The following KHDRBS2 variants were observed in gnomAD, a reference collection of about 807,000 sequenced individuals.
The protein encoded by KHDRBS2 is KH RNA binding domain containing, signal transduction associated 2, also known as KH domain-containing, RNA-binding, signal transduction-associated protein 2.
In KHDRBS2, 26 loss-of-function variants were observed where a neutral mutation model predicts 44.3. The ratio of observed to expected loss-of-function variants is 0.59; its 90% CI spans 0.43 to 0.81. The LOEUF is 0.81. Among genes scored for constraint, KHDRBS2 ranks in the 40% least tolerant of loss-of-function variants. KHDRBS2 has a pLI of 0.00. For missense variants in KHDRBS2, 476 were observed against 433.1 expected (o/e 1.10, Z -0.88); for synonymous variants, 194 against 151.1 (o/e 1.28, Z -2.08).
chr6:62,231,774 G>T (rs1227023163), intron 1 of KHDRBS2, among the ~76,000 whole-genome samples: 2 of 151,774 alleles, frequency 1.3e-5, no homozygotes, highest in Non-Finnish European at 2.9e-5. Context: ...TTTATTCTTC[G>T]TGAAGAATTT....
chr6:62,070,184 T>C (rs1373933597), intron 2 of KHDRBS2, among the ~76,000 whole-genome samples: 1 of 151,800 alleles, frequency 6.6e-6, no homozygotes. Flanking sequence ...ATCCATTTTA[T>C]AGGTGCTGGA....
intron 6 of KHDRBS2, among the ~76,000 whole-genome samples, chr6:61,797,029 C>A (rs566602194): frequency 7.2e-5 from 11 of 151,866 alleles, no homozygotes; most frequent in African/African-American, 2.4e-4. Context: ...CAGAATAAAA[C>A]GAAGTAGTCT....
Position 61,789,812 on chromosome 6 carries a change from A to T in KHDRBS2, c.811-57048T>A, listed in dbSNP as rs540859556. On this transcript the variant is annotated intron_variant, in intron 6 of 8. Coordinates refer to ENST00000281156, the MANE Select transcript of KHDRBS2 (RefSeq NM_152688.4). ...GCCACATGTATACTGGTAACAAGTG[A>T]AAAGCTGTTGAAGTACATTTATCTC... is the stretch of plus-strand genomic sequence containing the variant. Among the ~76,000 whole-genome samples the T allele has an allele frequency of 2.6e-5, 4 of 151,616 alleles. No homozygotes were observed. In the South Asian group the frequency reaches 6.2e-4, roughly 24 times the overall value.
chr6:62,282,175 T>C (rs908740151), intron 1 of KHDRBS2, among the ~76,000 whole-genome samples: 1 of 152,214 alleles, frequency 6.6e-6, no homozygotes, highest in African/African-American at 2.4e-5. Context: ...TTCTTATTGA[T>C]AATCTAAATG....
At chr6:62,186,881 T>A (rs1226651706) in intron 1 of KHDRBS2, among the ~76,000 whole-genome samples, 2 of 152,130 alleles carry the variant, frequency 1.3e-5, no homozygotes, top group African/African-American at 2.4e-5. Flanking sequence ...TATCTACATG[T>A]AGTCGTCCCA....
intron 7 of KHDRBS2, among the ~76,000 whole-genome samples, chr6:61,724,715 G>A (rs113722178): frequency 0.015 from 2,290 of 152,126 alleles, 35 homozygotes; most frequent in Middle Eastern, 0.044. Context: ...GACAAAGAAA[G>A]GCAATACATA....
At chr6:61,724,158 T>C (rs550947911) in intron 7 of KHDRBS2, among the ~76,000 whole-genome samples, 45 of 152,264 alleles carry the variant, frequency 3.0e-4, no homozygotes, top group Admixed American at 1.3e-3. Flanking sequence ...TGGGGGCCAA[T>C]ATTCAATATT....
At chr6:62,060,272 T>C (rs749403154) in intron 2 of KHDRBS2, among the ~76,000 whole-genome samples, 6 of 151,706 alleles carry the variant, frequency 4.0e-5, no homozygotes, top group Non-Finnish European at 5.9e-5. Context: ...ATTGAAGGGT[T>C]TGAATTGAGG....
At chr6:61,670,443 A>G in the KHDRBS2 span, among the ~76,000 whole-genome samples, 5 of 151,590 alleles carry the variant, frequency 3.3e-5, no homozygotes, top group Admixed American at 1.3e-4. Context: ...ATTCTAAATA[A>G]TTATTTACTG....
At chr6:62,015,707 C>T (rs1360451001) in intron 3 of KHDRBS2, among the ~76,000 whole-genome samples, 1 of 152,064 alleles carries the variant, frequency 6.6e-6, no homozygotes, top group Non-Finnish European at 1.5e-5. Flanking sequence ...ACAACAGTTC[C>T]ATATAGATAT....
At chr6:61,576,775 T>C in the KHDRBS2 span, among the ~76,000 whole-genome samples, 1 of 152,182 alleles carries the variant, frequency 6.6e-6, no homozygotes, top group East Asian at 1.9e-4. Context: ...AGTCTAAAAA[T>C]TTCATCATCC....
At chr6:62,216,585 T>G (rs1163436217) in intron 1 of KHDRBS2, among the ~76,000 whole-genome samples, 1 of 151,654 alleles carries the variant, frequency 6.6e-6, no homozygotes. Flanking sequence ...ACAGGAGTCT[T>G]TATAATGATG....
At chr6:61,910,429 C>T (rs1805847366) in intron 4 of KHDRBS2, among the ~76,000 whole-genome samples, 1 of 152,134 alleles carries the variant, frequency 6.6e-6, no homozygotes, top group Non-Finnish European at 1.5e-5. Context: ...TTGGATATCA[C>T]AAAGTCAAAA....
chr6:62,055,256 G>A (rs1789999626), intron 2 of KHDRBS2, among the ~76,000 whole-genome samples: 1 of 151,852 alleles, frequency 6.6e-6, no homozygotes. Context: ...AAAGAAAAAA[G>A]ACTTAATAGA....
chr6:61,931,422 TA>T (rs1376373347), intron 4 of KHDRBS2, among the ~76,000 whole-genome samples: 2 of 151,970 alleles, frequency 1.3e-5, no homozygotes, highest in Non-Finnish European at 2.9e-5. Flanking sequence ...TATAAAATAT[TA>T]AAGATGTTAA....
At chr6:61,993,357 C>T (rs1220492841) in intron 3 of KHDRBS2, among the ~76,000 whole-genome samples, 4 of 151,828 alleles carry the variant, frequency 2.6e-5, no homozygotes, top group African/African-American at 9.7e-5. Context: ...TTCTTTACTC[C>T]AGGGCAGCAA....
At chr6:61,796,992 A>G (rs1195673743) in intron 6 of KHDRBS2, among the ~76,000 whole-genome samples, 2 of 152,152 alleles carry the variant, frequency 1.3e-5, no homozygotes, top group Non-Finnish European at 1.5e-5. Flanking sequence ...TATCACTTCA[A>G]TTTTCTAAAT....
In KHDRBS2 at chr6:62,169,205, A is replaced by ATGTG. The variant is rs1173567273; in HGVS notation, c.219+7979_219+7980insCACA. Among the ~76,000 whole-genome samples, 147 of 147,916 alleles carry ATGTG rather than the reference A, an allele frequency of 9.9e-4. 3 individuals are homozygous for ATGTG. The highest frequency in any genetic ancestry group is 2.2e-4 in the Non-Finnish European group (15 of 67,124). On this transcript the variant is annotated intron_variant, in intron 2 of 8. Transcript: ENST00000281156. ...TATATATACGTATACATATATGTAT[A>ATGTG]TATATGTATATATACACACACACAT...
the KHDRBS2 span, among the ~76,000 whole-genome samples, chr6:61,673,511 AT>A: frequency 3.4e-5 from 5 of 149,034 alleles, no homozygotes; most frequent in African/African-American, 1.2e-4. Context: ...ACATGATTGT[AT>A]ATCTAGAAAA....
Sources: allele counts gnomAD v4.1 joint callset (sites outside exome capture counted in the v4.1 genomes callset), GRCh38; gene constraint gnomAD v4.1.1; transcripts MANE v1.5; gene names NCBI Gene and HGNC (gene_info 2026-07-23, HGNC 2026-07-21).